ZSCAN29: variants seen among roughly 807,000 people sequenced by gnomAD.
ZSCAN29 encodes the protein zinc finger and SCAN domain-containing protein 29.
In ZSCAN29, 55 loss-of-function variants were observed where a neutral mutation model predicts 71.9. That is an observed-to-expected ratio of 0.76 (90% CI 0.62 to 0.96). The LOEUF is 0.96. ZSCAN29 is among the 40% of genes least tolerant of loss of function. The pLI is 0.00. For missense variants in ZSCAN29, 1,042 were observed against 1,042.2 expected (o/e 1.00, Z 0.00); for synonymous variants, 351 against 371.6 (o/e 0.94, Z 0.64).
Position 43,369,785 on chromosome 15 carries a change from G to T in ZSCAN29, c.129C>A (p.Cys43Ter). The T allele has an allele frequency of 6.2e-7, 1 of 1,614,246 alleles. No individual in the cohort carries two copies. Among genetic ancestry groups the T allele is most frequent in the Non-Finnish European group, 8.5e-7 (1 of 1,180,050 alleles). ...GCACCTCCGGCCTTAGCCACCGACA[G>T]CAAAGTTCCCAGAGTTGGCTGAAAG... Reference protein sequence around the residue: ...REAFSQLWELCCRWLRPEVRT... With the variant: ...REAFSQLWEL Residue 43 changes from cysteine to a stop codon, truncating the protein, a stop_gained, in exon 2 of 6, where the codon TGC becomes TGA. Coordinates refer to ENST00000684362, the MANE Select transcript of ZSCAN29 (RefSeq NM_001372080.1). LOFTEE classifies it high-confidence loss of function.
chr15:43,369,999 G>A lies in ZSCAN29; in HGVS notation c.-86C>T, dbSNP rs1595470372. ...TTCCCATGTCCTTGGAGAATCCCCTGCAGATGACTGTAAGAGGTGTTTCTT... is the reference window on the plus strand; with the variant it reads ...TTCCCATGTCCTTGGAGAATCCCCTACAGATGACTGTAAGAGGTGTTTCTT... On this transcript the variant is annotated 5_prime_UTR_variant, in exon 2 of 6. It introduces an in-frame stop codon into an upstream open reading frame of the 5' UTR. Coordinates refer to ENST00000684362, the MANE Select transcript of ZSCAN29 (RefSeq NM_001372080.1). 2 of 1,332,826 alleles carry A rather than the reference G, an allele frequency of 1.5e-6. No individual in the cohort carries two copies. Among genetic ancestry groups the A allele is most frequent in the East Asian group, 2.3e-5 (1 of 43,208 alleles). 82.6% of individuals were successfully genotyped at this position (1,332,826 alleles called of 1,614,324 possible). A position where few individuals can be genotyped will look rare whatever the true frequency, so the allele number is the denominator to read the frequency against.
At chr15:43,365,792 A>G (rs945339963) in intron 4 of ZSCAN29, among the ~76,000 whole-genome samples, 2 of 152,200 alleles carry the variant, frequency 1.3e-5, no homozygotes, top group African/African-American at 4.8e-5. Flanking sequence ...ATATTGTGCC[A>G]CATTTTTCTC....
At position 43,369,815 on chromosome 15, in the gene ZSCAN29, C is replaced by G; in HGVS notation, c.99G>C (p.Arg33=). 6.2e-7 allele frequency: 1 copy of G among 1,614,208 alleles called. No individual in the cohort carries two copies. The highest frequency in any genetic ancestry group is 1.3e-5 in the African/African-American group (1 of 75,074). Residue 33 remains arginine, a synonymous_variant, in exon 2 of 6, where the codon CGG becomes CGC. Coordinates refer to ENST00000684362, the MANE Select transcript of ZSCAN29 (RefSeq NM_001372080.1). ...RFHYQEVAGP[R]EAFSQLWELC... is the part of the protein sequence containing the mutation. Reference sequence around the variant, plus strand: ...GTTCCCAGAGTTGGCTGAAAGCCTCCCGCGGCCCAGCCACCTCCTGGTAAT... The same window carrying G: ...GTTCCCAGAGTTGGCTGAAAGCCTCGCGCGGCCCAGCCACCTCCTGGTAAT...
intron 4 of ZSCAN29, 62 bp from the exon 5 acceptor site, chr15:43,364,444 A>G: frequency 7.0e-7 from 1 of 1,434,054 alleles, no homozygotes; most frequent in Non-Finnish European, 9.7e-7. Flanking sequence ...TGAATTCCTC[A>G]GTCCTATCAT....
chr15:43,364,165 T>C lies in ZSCAN29; in HGVS notation c.1440A>G (p.Ala480=), dbSNP rs746564574. The C allele has an allele frequency of 1.2e-6, 2 of 1,614,216 alleles. No individual in the cohort carries two copies. The highest frequency in any genetic ancestry group is 4.5e-5 in the East Asian group (2 of 44,882). The change falls in exon 5 of 6, where the codon GCA becomes GCG. Residue 480 remains alanine, a synonymous_variant. Transcript: ENST00000684362. ...CTTCAAAGAAGGGACAGGTCTCTGG[T>C]GCCTGGCCATTCTTAACTTTCCGAT... ...TSYRKVKNGQ[A]PETCPFFEEM...
At chr15:43,364,892 CAAAAA>C (rs57976198) in intron 4 of ZSCAN29, among the ~76,000 whole-genome samples, 3 of 38,938 alleles carry the variant, frequency 7.7e-5, no homozygotes, top group Non-Finnish European at 1.6e-4. Flanking sequence ...GACTCTGTCT[CAAAAA>C]AAAAAAAAAA....
intron 2 of ZSCAN29, 104 bp from the exon 3 acceptor site, chr15:43,369,231 C>A: frequency 8.0e-7 from 1 of 1,256,076 alleles, no homozygotes; most frequent in South Asian, 1.8e-5. Flanking sequence ...AGAGCCATGG[C>A]CAGGGTTGTA....
In ZSCAN29 at chr15:43,365,109, A is replaced by T. The variant is rs140324027; in HGVS notation, c.1223-727T>A. ...CTAAAATAAGATCATGCATGTCACA[A>T]AAAACAGAAGGAAAAGACCACTGCT... On this transcript the variant is annotated intron_variant, in intron 4 of 5. Coordinates refer to ENST00000684362, the MANE Select transcript of ZSCAN29 (RefSeq NM_001372080.1). Among the ~76,000 whole-genome samples the T allele has an allele frequency of 9.2e-5, 14 of 152,284 alleles. No homozygotes were observed. In the East Asian group the frequency reaches 2.7e-3, roughly 29 times the overall value.
In ZSCAN29 at chr15:43,361,059, A is replaced by G. The variant is rs1186820470; in HGVS notation, c.*14T>C. 10 of 1,564,522 alleles carry G rather than the reference A, an allele frequency of 6.4e-6. No individual in the cohort carries two copies. Among genetic ancestry groups the G allele is most frequent in the Non-Finnish European group, 6.1e-6 (7 of 1,155,024 alleles). On this transcript the variant is annotated 3_prime_UTR_variant, in exon 6 of 6. Coordinates refer to ENST00000684362, the MANE Select transcript of ZSCAN29 (RefSeq NM_001372080.1). ...CATTTATTGAGCCTCTTTCCGTTAT[A>G]TATCCTCAGGGGCTTACTTGGGAGC...
chr15:43,364,235 G>C lies in ZSCAN29; in HGVS notation c.1370C>G (p.Thr457Ser). The part of the protein sequence containing the change: ...ERLWEYGFLR[T>S]PEQCRTKFKS... ...AAACTTGGTCCGACACTGTTCTGGG[G>C]TCCTAAGAAAGCCATATTCCCATAA... The change falls in exon 5 of 6, where the codon ACC becomes AGC. Residue 457 changes from threonine to serine, a missense_variant. Coordinates refer to ENST00000684362, the MANE Select transcript of ZSCAN29 (RefSeq NM_001372080.1). The C allele has an allele frequency of 6.2e-7, 1 of 1,614,176 alleles. No individual in the cohort carries two copies. The highest frequency in any genetic ancestry group is 1.3e-5 in the African/African-American group (1 of 75,040).
intron 3 of ZSCAN29, among the ~76,000 whole-genome samples, chr15:43,367,192 C>T (rs1259782355): frequency 6.6e-6 from 1 of 152,134 alleles, no homozygotes; most frequent in Non-Finnish European, 1.5e-5. Flanking sequence ...TTACCTTATC[C>T]GTTTCCTTCA....
Position 43,366,632 on chromosome 15 carries a change from C to G in ZSCAN29, c.700G>C (p.Asp234His). The change falls in exon 4 of 6, where the codon GAT (aspartate) becomes CAT (histidine). Residue 234 changes from aspartate (D) to histidine (H), a missense_variant. Asp to His is a moderately conservative substitution (Grantham distance 81, BLOSUM62 -1). Coordinates refer to ENST00000684362, the MANE Select transcript of ZSCAN29 (RefSeq NM_001372080.1). ...TTCTCATCTTCAAAGCTCCAGTGAT[C>G]CTGTTCCACCCAGCTTCTTCTATCT... ...KKDRRSWVEQ[D>H]HWSFEDEKVA... 1 of 1,614,218 alleles carries G rather than the reference C, an allele frequency of 6.2e-7. No individual in the cohort carries two copies. The highest frequency in any genetic ancestry group is 1.7e-4 in the Middle Eastern group (1 of 6,060).
intron 4 of ZSCAN29, among the ~76,000 whole-genome samples, chr15:43,364,675 C>T (rs2044018044): frequency 6.6e-6 from 1 of 151,926 alleles, no homozygotes; most frequent in African/African-American, 2.4e-5. Context: ...CGCTTGGGGC[C>T]AGGAGTTTGA....
chr15:43,364,646 G>T (rs2044017706), intron 4 of ZSCAN29, among the ~76,000 whole-genome samples: 1 of 152,116 alleles, frequency 6.6e-6, no homozygotes, highest in South Asian at 2.1e-4. Context: ...AGTGGCTTAT[G>T]CCTGTAATCC....
intron 5 of ZSCAN29, among the ~76,000 whole-genome samples, chr15:43,363,550 A>G (rs1326957842): frequency 6.6e-6 from 1 of 152,240 alleles, no homozygotes; most frequent in African/African-American, 2.4e-5. Context: ...GAAGACATAT[A>G]AAAGAGAATG....
In ZSCAN29 at chr15:43,364,107, C is replaced by A. The variant is rs1422759036; in HGVS notation, c.1498G>T (p.Ala500Ser). ...MDALVSVRVA[A>S]PPNDGQEETA... is the part of the protein sequence containing the mutation. ...TCTTCCTGGCCATCATTGGGTGGGGCAGCAACCCGGACACTCACCAAAGCA... is the reference window on the plus strand; with the variant it reads ...TCTTCCTGGCCATCATTGGGTGGGGAAGCAACCCGGACACTCACCAAAGCA... The change falls in exon 5 of 6, where the codon GCC becomes TCC. Residue 500 changes from alanine (A) to serine (S), a missense_variant. Coordinates refer to ENST00000684362, the MANE Select transcript of ZSCAN29 (RefSeq NM_001372080.1). The A allele has an allele frequency of 6.2e-7, 1 of 1,614,148 alleles. No homozygotes were observed. The highest frequency in any genetic ancestry group is 8.5e-7 in the Non-Finnish European group (1 of 1,180,024).
intron 3 of ZSCAN29, among the ~76,000 whole-genome samples, chr15:43,367,458 C>T (rs562519903): frequency 2.6e-5 from 4 of 152,256 alleles, no homozygotes; most frequent in African/African-American, 9.6e-5. Context: ...CACTCTGTGC[C>T]TTTACTTTTA....
intron 3 of ZSCAN29, among the ~76,000 whole-genome samples, chr15:43,367,187 T>G (rs144133069): frequency 6.6e-6 from 1 of 152,326 alleles, no homozygotes; most frequent in East Asian, 1.9e-4. Context: ...TGTCTTTACC[T>G]TATCCGTTTC....
chr15:43,364,951 A>C (rs180850909), intron 4 of ZSCAN29, among the ~76,000 whole-genome samples: 11 of 152,044 alleles, frequency 7.2e-5, no homozygotes, highest in South Asian at 4.2e-4. Flanking sequence ...AACATTGAGC[A>C]CATGTGCCAC....
Sources: gnomAD v4.1 joint callset for allele counts (sites outside exome capture counted in the v4.1 genomes callset) on GRCh38, gnomAD v4.1.1 for gene constraint, MANE v1.5 for transcripts, NCBI Gene and HGNC (gene_info 2026-07-23, HGNC 2026-07-21) for gene names.